SH3D21: variants seen among roughly 807,000 people sequenced by gnomAD.
SH3D21 encodes SH3 domain-containing protein 21.
A neutral mutation model predicts 82.1 loss-of-function variants in SH3D21; 83 were observed. The observed-to-expected ratio is 1.01, with a 90% CI of 0.85 to 1.21. The LOEUF is 1.21. SH3D21 is among the 50% of genes most tolerant of loss of function. The pLI is 0.00. For missense variants in SH3D21, 980 were observed against 962.1 expected (o/e 1.02, Z -0.25); for synonymous variants, 383 against 387.8 (o/e 0.99, Z 0.15).
At position 36,321,344 on chromosome 1, in the gene SH3D21, G is replaced by A; in HGVS notation, c.*217G>A. The A allele has an allele frequency of 7.1e-7, 1 of 1,414,758 alleles. No individual in the cohort carries two copies. Among genetic ancestry groups the A allele is most frequent in the Non-Finnish European group, 9.2e-7 (1 of 1,087,530 alleles). 87.6% of individuals were successfully genotyped at this position (1,414,758 alleles called of 1,614,324 possible). ...TGGCCAACATGTGGCTCCCATTACC[G>A]TTCCCAAGGCCTGCGCGCGGCTATT... is the stretch of plus-strand genomic sequence containing the variant. On this transcript the variant is annotated 3_prime_UTR_variant, in exon 16 of 16. Transcript: ENST00000453908. The surrounding 1 kb of genome is among the most constrained non-coding windows in gnomAD (Gnocchi z 6.1).
downstream of SH3D21, chr1:36,321,478 G>A (rs968537644): frequency 3.2e-6 from 3 of 932,402 alleles, no homozygotes; most frequent in Non-Finnish European, 4.1e-6. The surrounding 1 kb of genome is among the most constrained non-coding windows in gnomAD (Gnocchi z 6.1). Flanking sequence ...GGCTCTTGAC[G>A]CCCGGCCTAG....
At chr1:36,314,542 G>A (rs555469020) in intron 10 of SH3D21, among the ~76,000 whole-genome samples, 2 of 148,256 alleles carry the variant, frequency 1.3e-5, no homozygotes, top group Non-Finnish European at 3.0e-5. Flanking sequence ...TGTAACCTCT[G>A]CCTCCTGGGT....
downstream of SH3D21, chr1:36,324,107 G>A (rs1179375372): frequency 1.3e-5 from 2 of 152,226 alleles, no homozygotes; most frequent in African/African-American, 4.8e-5. Flanking sequence ...ATGCTGGACT[G>A]GAAGGGAGGG....
chr1:36,306,760 G>A lies in SH3D21; in HGVS notation c.162+5G>A, dbSNP rs1646129506. On this transcript the variant is annotated splice_donor_5th_base_variant and intron_variant, in intron 2 of 15. Transcript: ENST00000453908. The surrounding 1 kb of genome is among the most constrained non-coding windows in gnomAD (Gnocchi z 4.5). ...TTCCCCGAGCGCCTGGTGCAGGTGA[G>A]GCCGAGCCAGGGGCGGGCTGTGGGG... 5 of 1,290,254 alleles carry A rather than the reference G, an allele frequency of 3.9e-6. No homozygotes were observed. Among genetic ancestry groups the A allele is most frequent in the Non-Finnish European group, 5.1e-6 (5 of 987,336 alleles). 79.9% of individuals were successfully genotyped at this position (1,290,254 alleles called of 1,614,324 possible).
At chr1:36,319,620 G>A in intron 13 of SH3D21, 55 bp from the exon 14 acceptor site, 4 of 1,549,630 alleles carry the variant, frequency 2.6e-6, no homozygotes, top group Non-Finnish European at 3.5e-6. Flanking sequence ...AAGTCTCCCA[G>A]GCCAAGGGGA....
downstream of SH3D21, chr1:36,321,763 G>A: frequency 1.0e-6 from 1 of 1,003,064 alleles, no homozygotes; most frequent in East Asian, 1.1e-4. The surrounding 1 kb of genome is among the most constrained non-coding windows in gnomAD (Gnocchi z 6.1). Context: ...GGCGACGTGT[G>A]TCCAGGCGTT....
At chr1:36,327,722 G>T (rs952096186), downstream of SH3D21, 4 of 1,218,022 alleles carry the variant, frequency 3.3e-6, no homozygotes, top group Admixed American at 2.9e-5. Flanking sequence ...TTCTCCAGGG[G>T]CTTGCCGTGG....
Position 36,319,249 on chromosome 1 carries a change from A to G in SH3D21, c.864-11A>G, listed in dbSNP as rs754059381. ...GCCCCACCCTGAGGGCCTGATGAAG[A>G]TATGTTCCAGGACATCTCGGACACC... On this transcript the variant is annotated splice_polypyrimidine_tract_variant and intron_variant, in intron 11 of 15. Coordinates refer to ENST00000453908, the MANE Select transcript of SH3D21 (RefSeq NM_001162530.2). 3 of 1,551,470 alleles carry G rather than the reference A, an allele frequency of 1.9e-6. No individual in the cohort carries two copies. Among genetic ancestry groups the G allele is most frequent in the African/African-American group, 2.7e-5 (2 of 72,962 alleles).
intron 10 of SH3D21, among the ~76,000 whole-genome samples, chr1:36,314,787 AATTTTGATGAAGTCCC>A (rs1646310756): frequency 6.6e-6 from 1 of 152,014 alleles, no homozygotes; most frequent in Non-Finnish European, 1.5e-5. Context: ...AAAAGTTTTA[AATTTTGATGAAGTCCC>A]ATTTATCTAT....
Position 36,320,973 on chromosome 1 carries a change from C to T in SH3D21, c.2194C>T (p.Leu732=). 6.4e-7 allele frequency: 1 copy of T among 1,572,102 alleles called. No individual in the cohort carries two copies. Among genetic ancestry groups the T allele is most frequent in the South Asian group, 1.2e-5 (1 of 86,360 alleles). Reference sequence around the variant, plus strand: ...GAGCGAGAAGGAGCAGCGCCGGCGGCTGGAGGTGAGGCGCGGGTCCCGGCG... The same window carrying T: ...GAGCGAGAAGGAGCAGCGCCGGCGGTTGGAGGTGAGGCGCGGGTCCCGGCG... ...LKSEKEQRRR[L]EVQVMQGTQK... The change falls in exon 15 of 16, where the codon CTG becomes TTG. Residue 732 remains leucine, a synonymous_variant. Transcript: ENST00000453908.
chr1:36,323,121 C>T, downstream of SH3D21: 1 of 1,456,374 alleles, frequency 6.9e-7, no homozygotes, highest in Non-Finnish European at 9.3e-7. Context: ...CACCCCGACC[C>T]CTTCCGCGGG....
downstream of SH3D21, chr1:36,324,186 G>C (rs1031181547): frequency 1.3e-5 from 2 of 152,254 alleles, no homozygotes; most frequent in Non-Finnish European, 2.9e-5. Context: ...GTCTAGTCAC[G>C]CAGGGTTAAT....
chr1:36,325,453 C>T (rs1646532386), downstream of SH3D21, among the ~76,000 whole-genome samples: 1 of 152,164 alleles, frequency 6.6e-6, no homozygotes, highest in Non-Finnish European at 1.5e-5. Flanking sequence ...TATTTTACAT[C>T]AAGGACTTGA....
downstream of SH3D21, chr1:36,328,553 T>A (rs371906007): frequency 4.8e-6 from 1 of 208,684 alleles, no homozygotes; most frequent in Non-Finnish European, 9.9e-6. Context: ...TGCAGATCAC[T>A]GAAGTCCAGG....
At chr1:36,308,290 AAAAT>A in intron 8 of SH3D21, 81 bp downstream of exon 8, 1 of 1,479,684 alleles carries the variant, frequency 6.8e-7, no homozygotes, top group Non-Finnish European at 9.2e-7. Context: ...CCCTGAATCT[AAAAT>A]AAACGTTGAA....
downstream of SH3D21, chr1:36,324,053 T>G (rs1445527069): frequency 5.3e-5 from 8 of 152,198 alleles, no homozygotes; most frequent in Non-Finnish European, 1.2e-4. Flanking sequence ...CTCCCCCTCC[T>G]AGGAGGCCCC....
chr1:36,323,070 G>A (rs1310348888), downstream of SH3D21: 1 of 1,592,940 alleles, frequency 6.3e-7, no homozygotes, highest in East Asian at 2.3e-5. Flanking sequence ...CTACCAGCCT[G>A]CGAGGTCAGC....
chr1:36,307,199 T>A lies in SH3D21; in HGVS notation c.259T>A (p.Trp87Arg). Residue 87 changes from tryptophan to arginine, a missense_variant, in exon 4 of 16, where the codon TGG becomes AGG. Coordinates refer to ENST00000453908, the MANE Select transcript of SH3D21 (RefSeq NM_001162530.2). The surrounding 1 kb of genome is among the most constrained non-coding windows in gnomAD (Gnocchi z 5.4). ...HPAKHPRPQR[W>R]CKVNFSYSPE... is the part of the protein sequence containing the mutation. ...TGCCAAACACCCGAGGCCCCAAAGATGGTGCAAAGTGAACTTCAGCTACAG... is the reference window on the plus strand; with the variant it reads ...TGCCAAACACCCGAGGCCCCAAAGAAGGTGCAAAGTGAACTTCAGCTACAG... The A allele has an allele frequency of 6.4e-7, 1 of 1,551,666 alleles. No homozygotes were observed. The highest frequency in any genetic ancestry group is 8.7e-7 in the Non-Finnish European group (1 of 1,146,972).
Position 36,308,117 on chromosome 1 carries a change from C to G in SH3D21, c.547C>G (p.Pro183Ala). ...GACTGACCTCTTCCCAGTCTCCCACCCTGAGGTCTACAGGGTCCTGTTTGA... is the reference window on the plus strand; with the variant it reads ...GACTGACCTCTTCCCAGTCTCCCACGCTGAGGTCTACAGGGTCCTGTTTGA... ...PPDYLQTVSH[P>A]EVYRVLFDYQ... The change falls in exon 8 of 16, where the codon CCT (proline) becomes GCT (alanine). Residue 183 changes from proline (P) to alanine (A), a missense_variant. Transcript: ENST00000453908. The G allele has an allele frequency of 6.5e-7, 1 of 1,548,662 alleles. No individual in the cohort carries two copies. Among genetic ancestry groups the G allele is most frequent in the African/African-American group, 1.4e-5 (1 of 73,102 alleles).
Sources: gnomAD v4.1 joint callset for allele counts (sites outside exome capture counted in the v4.1 genomes callset) on GRCh38, gnomAD v4.1.1 for gene constraint, Gnocchi (gnomAD v3.1) non-coding constraint, MANE v1.5 for transcripts, NCBI Gene and HGNC (gene_info 2026-07-23, HGNC 2026-07-21) for gene names.